Variants in TNKS observed in about 807,000 individuals in gnomAD.
The protein encoded by TNKS is poly [ADP-ribose] polymerase tankyrase-1.
A neutral mutation model predicts 135.8 loss-of-function variants in TNKS; 72 were observed. That is an observed-to-expected ratio of 0.53 (90% confidence interval 0.44 to 0.64). The LOEUF (loss-of-function observed/expected upper bound fraction) is 0.64. Among genes scored for constraint, TNKS ranks in the 30% least tolerant of loss-of-function variants. The pLI, the probability that TNKS is intolerant of heterozygous loss-of-function variation, is 0.00. For synonymous variants in TNKS, 849 were observed against 649.3 expected, an observed-to-expected ratio of 1.31 and a Z score of -4.68; for missense variants, 1,769 against 1,674.0, an observed-to-expected ratio of 1.06 and a Z score of -0.99.
chr8:9,757,813 A>G (rs1214404304), intron 20 of TNKS, among the ~76,000 whole-genome samples: 1 of 152,236 alleles, frequency 6.6e-6, no homozygotes, highest in Non-Finnish European at 1.5e-5. Flanking sequence ...ATATTTAGTT[A>G]CTTTTTAAAG....
chr8:9,569,001 A>T (rs551120487), intron 1 of TNKS, among the ~76,000 whole-genome samples: 2 of 152,228 alleles, frequency 1.3e-5, no homozygotes, highest in Non-Finnish European at 2.9e-5. Context: ...AGATATTCCA[A>T]ATGTTGACAC....
chr8:9,654,393 CA>C (rs879852784), intron 3 of TNKS, among the ~76,000 whole-genome samples: 7 of 150,722 alleles, frequency 4.6e-5, no homozygotes, highest in Admixed American at 1.3e-4. Context: ...CATGCTTTTA[CA>C]AAAAAAAATT....
intron 2 of TNKS, among the ~76,000 whole-genome samples, chr8:9,594,145 C>T (rs1798687734): frequency 6.6e-6 from 1 of 152,134 alleles, no homozygotes; most frequent in African/African-American, 2.4e-5. Context: ...CCTCGGCCTC[C>T]CAAAGTGCTA....
chr8:9,710,756 C>A (rs1036933983), intron 11 of TNKS, among the ~76,000 whole-genome samples: 1 of 152,006 alleles, frequency 6.6e-6, no homozygotes, highest in Non-Finnish European at 1.5e-5. Flanking sequence ...ATTAGCCGGG[C>A]GTGGTGGCGG....
intron 2 of TNKS, among the ~76,000 whole-genome samples, chr8:9,611,078 T>G (rs759431325): frequency 1.4e-4 from 21 of 152,208 alleles, no homozygotes; most frequent in Non-Finnish European, 2.8e-4. Flanking sequence ...CATAGCTCAT[T>G]TGAAAATGGT....
intron 5 of TNKS, among the ~76,000 whole-genome samples, chr8:9,687,459 G>C (rs976424091): frequency 6.6e-6 from 1 of 152,098 alleles, no homozygotes; most frequent in Non-Finnish European, 1.5e-5. Context: ...TATTCATTTT[G>C]TACCAATGAG....
At chr8:9,694,089 G>T (rs770994796) in intron 5 of TNKS, among the ~76,000 whole-genome samples, 1 of 152,208 alleles carries the variant, frequency 6.6e-6, no homozygotes, top group Non-Finnish European at 1.5e-5. Context: ...AGGACTTACA[G>T]CTTCACAGTT....
chr8:9,600,059 C>A (rs1585214974), intron 2 of TNKS, among the ~76,000 whole-genome samples: 1 of 151,990 alleles, frequency 6.6e-6, no homozygotes, highest in South Asian at 2.1e-4. Context: ...CTTGTTTTGT[C>A]CTAACAGCCC....
intron 20 of TNKS, among the ~76,000 whole-genome samples, chr8:9,756,617 G>A (rs777762418): frequency 1.3e-5 from 2 of 152,084 alleles, no homozygotes; most frequent in African/African-American, 2.4e-5. Flanking sequence ...CCTGAGTCTT[G>A]AAGCAACATG....
intron 5 of TNKS, among the ~76,000 whole-genome samples, chr8:9,686,345 A>G (rs1802995959): frequency 6.6e-6 from 1 of 152,138 alleles, no homozygotes; most frequent in South Asian, 2.1e-4. Context: ...CGTCCCAGAC[A>G]ATTTAACCCC....
At chr8:9,727,484 C>G (rs909218323) in intron 13 of TNKS, among the ~76,000 whole-genome samples, 1 of 152,040 alleles carries the variant, frequency 6.6e-6, no homozygotes, top group Non-Finnish European at 1.5e-5. Flanking sequence ...CCCAGGCAGG[C>G]CTCAAACTCC....
chr8:9,684,719 C>G (rs1802914352), intron 5 of TNKS, among the ~76,000 whole-genome samples: 1 of 152,132 alleles, frequency 6.6e-6, no homozygotes, highest in Admixed American at 6.5e-5. Context: ...AGGTTTCCCT[C>G]TGCTCCTTTC....
intron 1 of TNKS, among the ~76,000 whole-genome samples, chr8:9,561,893 T>C (rs1420077622): frequency 6.6e-6 from 1 of 152,226 alleles, no homozygotes; most frequent in East Asian, 1.9e-4. Context: ...CTTGGCTCAC[T>C]GCAACCTCTG....
chr8:9,666,257 G>A (rs926090295), intron 3 of TNKS, among the ~76,000 whole-genome samples: 7 of 152,136 alleles, frequency 4.6e-5, no homozygotes, highest in African/African-American at 1.7e-4. Flanking sequence ...TAAATAAAAC[G>A]TGCTATTAAA....
rs775475360 is a variant in TNKS, at chr8:9,766,444, G to A, written c.3740+19G>A. On this transcript the variant is annotated intron_variant, in intron 25 of 26. Transcript: ENST00000310430. The stretch of plus-strand genomic sequence containing the variant: ...GTCACAGGTAAGCATCTTGCCATTA[G>A]TGTAACGTTTCCCACCCCTAGGTCA... 12 of 1,451,460 alleles carry A rather than the reference G, an allele frequency of 8.3e-6. No homozygotes were observed. The highest frequency in any genetic ancestry group is 3.0e-5 in the South Asian group (2 of 67,748). The allele number at this position is 1,451,460 out of a possible 1,614,324, so 89.9% of individuals were successfully genotyped here. A position where few individuals can be genotyped will look rare whatever the true frequency, so the allele number is the denominator to read the frequency against.
intron 11 of TNKS, 51 bp from the exon 12 acceptor site, chr8:9,720,323 G>A: frequency 6.8e-7 from 1 of 1,471,048 alleles, no homozygotes; most frequent in Non-Finnish European, 9.1e-7. Flanking sequence ...AGGTATAAAA[G>A]GAAACTAAAC....
At chr8:9,622,397 A>C (rs1799899629) in intron 3 of TNKS, among the ~76,000 whole-genome samples, 1 of 152,204 alleles carries the variant, frequency 6.6e-6, no homozygotes, top group Non-Finnish European at 1.5e-5. Context: ...CCTTTGATCC[A>C]GGTGCTATTT....
At chr8:9,646,071 C>T (rs1042996891) in intron 3 of TNKS, among the ~76,000 whole-genome samples, 3 of 152,098 alleles carry the variant, frequency 2.0e-5, no homozygotes, top group South Asian at 4.1e-4. Context: ...TTTAGAAATT[C>T]CTGCTTAACA....
At chr8:9,766,010 T>C (rs570176338) in intron 24 of TNKS, among the ~76,000 whole-genome samples, 141 of 152,378 alleles carry the variant, frequency 9.3e-4, no homozygotes, top group Middle Eastern at 3.4e-3. Context: ...AAATACTTGA[T>C]CTAAAATTAT....
Sources: gnomAD v4.1 joint callset for allele counts (sites outside exome capture counted in the v4.1 genomes callset) on GRCh38, gnomAD v4.1.1 for gene constraint, MANE v1.5 for transcripts, NCBI Gene and HGNC (gene_info 2026-07-23, HGNC 2026-07-21) for gene names.